GPHN: variants seen among roughly 807,000 people sequenced by gnomAD.
The protein encoded by GPHN is gephyrin.
Under a neutral mutation model 95.5 loss-of-function variants are expected in GPHN, and 17 were observed. The ratio of observed to expected loss-of-function variants is 0.18; its 90% CI spans 0.12 to 0.27. The LOEUF (loss-of-function observed/expected upper bound fraction) is 0.27, where lower values mean the gene tolerates loss of function less well. Among genes scored for constraint, GPHN ranks in the 10% least tolerant of loss-of-function variants. The pLI, the probability that GPHN is intolerant of heterozygous loss-of-function variation, is 1.00. For missense variants in GPHN, 660 were observed against 978.1 expected, an observed-to-expected ratio of 0.67 and a Z score of 4.34; for synonymous variants, 320 against 322.5, an observed-to-expected ratio of 0.99 and a Z score of 0.08.
the GPHN span, among the ~76,000 whole-genome samples, chr14:67,254,722 C>T: frequency 2.0e-5 from 3 of 152,196 alleles, no homozygotes; most frequent in East Asian, 5.8e-4. Flanking sequence ...ACTATCCCCC[C>T]ACCTGCCTTT....
chr14:66,704,317 A>G (rs1258398690), intron 2 of GPHN, among the ~76,000 whole-genome samples: 1 of 152,164 alleles, frequency 6.6e-6, no homozygotes, highest in Non-Finnish European at 1.5e-5. Context: ...AAATGGACCT[A>G]ATAGACATCT....
chr14:66,670,564 G>A (rs759750407), intron 1 of GPHN, among the ~76,000 whole-genome samples: 5 of 152,144 alleles, frequency 3.3e-5, no homozygotes, highest in Non-Finnish European at 5.9e-5. Flanking sequence ...AGGCCGAGGT[G>A]GGTGGATTGC....
the GPHN span, among the ~76,000 whole-genome samples, chr14:67,567,459 C>A: frequency 6.6e-6 from 1 of 152,164 alleles, no homozygotes; most frequent in African/African-American, 2.4e-5. Flanking sequence ...AGAGGCTTGT[C>A]CTTGGTTAAA....
the GPHN span, among the ~76,000 whole-genome samples, chr14:67,308,059 C>T: frequency 6.6e-6 from 1 of 152,124 alleles, no homozygotes; most frequent in East Asian, 1.9e-4. Flanking sequence ...AGGGGAACAA[C>T]ACACACTAGG....
the GPHN span, among the ~76,000 whole-genome samples, chr14:67,718,431 A>G: frequency 6.6e-6 from 1 of 152,368 alleles, no homozygotes; most frequent in African/African-American, 2.4e-5. Flanking sequence ...ATGAGCTGCT[A>G]GATGATTTAT....
the GPHN span, among the ~76,000 whole-genome samples, chr14:67,540,921 G>C: frequency 8.3e-4 from 127 of 152,180 alleles, no homozygotes; most frequent in African/African-American, 3.0e-3. Context: ...TGTCCAGAAG[G>C]CATCTGAGTG....
the GPHN span, among the ~76,000 whole-genome samples, chr14:67,626,907 A>C: frequency 6.6e-6 from 1 of 152,228 alleles, no homozygotes; most frequent in Non-Finnish European, 1.5e-5. Context: ...ATGAAGTACT[A>C]ATTTATGCTA....
chr14:66,674,963 G>A (rs574512306), intron 1 of GPHN, among the ~76,000 whole-genome samples: 345 of 151,964 alleles, frequency 2.3e-3, no homozygotes, highest in African/African-American at 7.8e-3. Flanking sequence ...GTTTCTCTTC[G>A]TCGTCACCAG....
the GPHN span, among the ~76,000 whole-genome samples, chr14:67,444,240 T>C: frequency 6.6e-6 from 1 of 152,188 alleles, no homozygotes; most frequent in Non-Finnish European, 1.5e-5. Context: ...CTCCTGAGGC[T>C]GTGTCATGGG....
intron 2 of GPHN, among the ~76,000 whole-genome samples, chr14:66,752,292 C>CT (rs2058396336): frequency 1.3e-5 from 2 of 152,174 alleles, no homozygotes; most frequent in East Asian, 3.9e-4. Flanking sequence ...AAAACTTTCC[C>CT]TTTGTATGCA....
intron 1 of GPHN, among the ~76,000 whole-genome samples, chr14:66,669,500 A>ATT (rs58642718): frequency 0.059 from 8,889 of 150,614 alleles, 353 homozygotes; most frequent in Middle Eastern, 0.099. Context: ...TTGAGTTGTT[A>ATT]TTTTTTTTTA....
At chr14:66,872,720 A>G (rs1470773239) in intron 4 of GPHN, among the ~76,000 whole-genome samples, 2 of 151,964 alleles carry the variant, frequency 1.3e-5, no homozygotes, top group Non-Finnish European at 2.9e-5. Context: ...ACATGGTGAA[A>G]CCCCATCTCT....
intron 2 of GPHN, among the ~76,000 whole-genome samples, chr14:66,703,979 G>A (rs1394955764): frequency 1.6e-4 from 22 of 137,956 alleles, no homozygotes; most frequent in Admixed American, 3.6e-4. Flanking sequence ...AAAAAAGAAA[G>A]AAAGAAAAAA....
At chr14:66,783,903 T>G (rs1016575215) in intron 3 of GPHN, among the ~76,000 whole-genome samples, 10 of 152,096 alleles carry the variant, frequency 6.6e-5, no homozygotes, top group African/African-American at 2.4e-4. Context: ...CATTGCGACA[T>G]GGGGGACATC....
At chr14:67,208,300 A>G in the GPHN span, 18 of 1,614,016 alleles carry the variant, frequency 1.1e-5, no homozygotes, top group Non-Finnish European at 1.5e-5. Flanking sequence ...TCTCAAACAT[A>G]ACACTGACTT....
the GPHN span, among the ~76,000 whole-genome samples, chr14:67,313,739 ATACT>A: frequency 6.6e-6 from 1 of 152,154 alleles, no homozygotes; most frequent in Non-Finnish European, 1.5e-5. Context: ...CTTCGCTTAC[ATACT>A]TTACTTGAAA....
intron 1 of GPHN, among the ~76,000 whole-genome samples, chr14:66,549,466 T>C (rs1275615304): frequency 6.6e-6 from 1 of 152,114 alleles, no homozygotes; most frequent in Non-Finnish European, 1.5e-5. Flanking sequence ...AAGAGTGGTA[T>C]GGAAATTGCA....
rs142413105 is a variant in GPHN, at chr14:66,613,216, G to T, written c.65-67891G>T. 2.8e-3 allele frequency among the ~76,000 whole-genome samples: 424 copies of T among 152,094 alleles called. 1 individual carries two copies. The highest frequency in any genetic ancestry group is 9.8e-3 in the African/African-American group (405 of 41,522). The stretch of plus-strand genomic sequence containing the variant: ...GTTTTATGTGTGTTTCTGTTTAAAG[G>T]CACCTTATTTACTATATATTGTTGT... On this transcript the variant is annotated intron_variant, in intron 1 of 22. Transcript: ENST00000478722.
At chr14:66,745,217 T>C (rs1019871364) in intron 2 of GPHN, among the ~76,000 whole-genome samples, 6 of 152,156 alleles carry the variant, frequency 3.9e-5, no homozygotes, top group Admixed American at 2.0e-4. Context: ...GACAACAGTA[T>C]AATGAACAGC....
Sources: gnomAD v4.1 joint callset for allele counts (sites outside exome capture counted in the v4.1 genomes callset) on GRCh38, gnomAD v4.1.1 for gene constraint, MANE v1.5 for transcripts, NCBI Gene and HGNC (gene_info 2026-07-23, HGNC 2026-07-21) for gene names.